MSI2: variants seen among roughly 807,000 people sequenced by gnomAD.
MSI2 encodes RNA-binding protein Musashi homolog 2.
A neutral mutation model predicts 45.6 loss-of-function variants in MSI2; 17 were observed. The observed-to-expected ratio is 0.37, with a 90% CI of 0.26 to 0.56. MSI2 has a LOEUF of 0.56. Ranked by LOEUF, MSI2 falls within the 20% of genes least tolerant of loss-of-function variation. The pLI is 0.77. For synonymous variants in MSI2, 156 were observed against 158.2 expected, an observed-to-expected ratio of 0.99 and a Z score of 0.11; for missense variants, 293 against 444.2, an observed-to-expected ratio of 0.66 and a Z score of 3.06.
chr17:57,584,016 G>T (rs1478283917), intron 7 of MSI2, among the ~76,000 whole-genome samples: 6 of 152,278 alleles, frequency 3.9e-5, no homozygotes, highest in African/African-American at 1.4e-4. Flanking sequence ...GTGGGTCCAG[G>T]GTGGGGCCTG....
intron 9 of MSI2, among the ~76,000 whole-genome samples, chr17:57,623,768 G>A (rs983907851): frequency 1.3e-5 from 2 of 152,232 alleles, no homozygotes; most frequent in Non-Finnish European, 2.9e-5. Flanking sequence ...CTGCTGTAAT[G>A]TGCTATTGAT....
chr17:57,317,782 A>G (rs1912977353), intron 5 of MSI2, among the ~76,000 whole-genome samples: 1 of 152,200 alleles, frequency 6.6e-6, no homozygotes. Context: ...GCCCAGGATA[A>G]TGTGTATTTG....
intron 10 of MSI2, among the ~76,000 whole-genome samples, chr17:57,646,974 A>G (rs12941821): frequency 6.6e-6 from 1 of 151,986 alleles, no homozygotes; most frequent in South Asian, 2.1e-4. Context: ...TTACTAACAT[A>G]TGATAGGTAT....
At chr17:57,509,987 C>T (rs192030752) in intron 6 of MSI2, among the ~76,000 whole-genome samples, 49 of 152,204 alleles carry the variant, frequency 3.2e-4, no homozygotes, top group Admixed American at 1.9e-3. Flanking sequence ...ATGTCTGTTT[C>T]AGCTTGCCTC....
At chr17:57,626,830 A>G (rs890624133) in intron 9 of MSI2, 4 of 198,014 alleles carry the variant, frequency 2.0e-5, no homozygotes, top group Non-Finnish European at 3.1e-5. Context: ...TCTGTTGTCC[A>G]CTGCCTTGGG....
At chr17:57,497,382 C>T (rs1235038732) in intron 6 of MSI2, among the ~76,000 whole-genome samples, 2 of 152,084 alleles carry the variant, frequency 1.3e-5, no homozygotes, top group African/African-American at 2.4e-5. Flanking sequence ...ACGTATAAAG[C>T]GAGGAAAGGG....
intron 6 of MSI2, among the ~76,000 whole-genome samples, chr17:57,526,346 G>A (rs2086695200): frequency 6.9e-6 from 1 of 144,282 alleles, no homozygotes; most frequent in Admixed American, 7.0e-5. Context: ...ATAGCCCCCT[G>A]ATATACCTGG....
intron 5 of MSI2, among the ~76,000 whole-genome samples, chr17:57,362,452 T>A (rs1916872903): frequency 6.6e-6 from 1 of 152,190 alleles, no homozygotes; most frequent in South Asian, 2.1e-4. Context: ...CTGGTTACCC[T>A]CCCATTGTGG....
At chr17:57,668,423 G>A (rs1912533447) in intron 11 of MSI2, among the ~76,000 whole-genome samples, 1 of 152,162 alleles carries the variant, frequency 6.6e-6, no homozygotes, top group Admixed American at 6.5e-5. Context: ...AAGTGCTAAT[G>A]TCCATCAGTT....
At chr17:57,491,075 C>T (rs1178425559) in intron 6 of MSI2, among the ~76,000 whole-genome samples, 1 of 152,230 alleles carries the variant, frequency 6.6e-6, no homozygotes, top group Non-Finnish European at 1.5e-5. Context: ...TGCCTCACAG[C>T]TTGCAGGTGT....
intron 7 of MSI2, among the ~76,000 whole-genome samples, chr17:57,564,314 C>G (rs1458862769): frequency 1.3e-5 from 2 of 152,234 alleles, no homozygotes; most frequent in African/African-American, 2.4e-5. Context: ...AGCCAGTTAA[C>G]AATGGTATGG....
the MSI2 span, among the ~76,000 whole-genome samples, chr17:57,694,114 A>G: frequency 6.6e-6 from 1 of 152,230 alleles, no homozygotes; most frequent in African/African-American, 2.4e-5. Flanking sequence ...AATAGTTGCA[A>G]CAGAGCCCAC....
chr17:57,502,487 T>G (rs2086128112), intron 6 of MSI2, among the ~76,000 whole-genome samples: 1 of 151,424 alleles, frequency 6.6e-6, no homozygotes, highest in Non-Finnish European at 1.5e-5. Context: ...TAGATAACTT[T>G]GTGAAATGGC....
intron 7 of MSI2, among the ~76,000 whole-genome samples, chr17:57,563,746 G>GCACACACACACACACACACACACA (rs61342598): frequency 1.4e-5 from 2 of 139,294 alleles, no homozygotes; most frequent in African/African-American, 5.4e-5. Context: ...ACACAGGCGC[G>GCACACACACACACACACACACACA]CACACACACA....
At chr17:57,665,538 C>G (rs1330302420) in intron 11 of MSI2, among the ~76,000 whole-genome samples, 2 of 152,236 alleles carry the variant, frequency 1.3e-5, no homozygotes, top group Non-Finnish European at 2.9e-5. Flanking sequence ...AAAGGAGCTA[C>G]TCAAGTGGAA....
At chr17:57,353,764 C>T (rs1275334656) in intron 5 of MSI2, among the ~76,000 whole-genome samples, 1 of 152,136 alleles carries the variant, frequency 6.6e-6, no homozygotes. Context: ...TCTCTTGTTT[C>T]CTCATTAATT....
intron 7 of MSI2, among the ~76,000 whole-genome samples, chr17:57,563,522 G>A (rs1301996461): frequency 6.6e-6 from 1 of 152,038 alleles, no homozygotes; most frequent in Non-Finnish European, 1.5e-5. Context: ...GCGGGCTCTG[G>A]GCCCAGGATC....
At chr17:57,345,305 G>A (rs1055744619) in intron 5 of MSI2, among the ~76,000 whole-genome samples, 1 of 151,820 alleles carries the variant, frequency 6.6e-6, no homozygotes, top group Non-Finnish European at 1.5e-5. Flanking sequence ...TTAATATATG[G>A]GACATTCATG....
chr17:57,437,463 G>T (rs138586846), intron 6 of MSI2, among the ~76,000 whole-genome samples: 1 of 152,338 alleles, frequency 6.6e-6, no homozygotes, highest in African/African-American at 2.4e-5. Flanking sequence ...GGGGATGATG[G>T]TTGGCAATAG....
Sources: allele counts gnomAD v4.1 joint callset (sites outside exome capture counted in the v4.1 genomes callset), GRCh38; gene constraint gnomAD v4.1.1; transcripts MANE v1.5; gene names NCBI Gene and HGNC (gene_info 2026-07-23, HGNC 2026-07-21).